The following L3MBTL2 variants were observed in gnomAD, a reference collection of about 807,000 sequenced individuals.
The protein encoded by L3MBTL2 is lethal(3)malignant brain tumor-like protein 2.
Under a neutral mutation model 86.4 loss-of-function variants are expected in L3MBTL2, and 49 were observed. The observed-to-expected ratio is 0.57, with a 90% CI of 0.45 to 0.72. The LOEUF (loss-of-function observed/expected upper bound fraction) is 0.72, where lower values mean the gene tolerates loss of function less well. L3MBTL2 is among the 30% of genes least tolerant of loss of function. The pLI, the probability that L3MBTL2 is intolerant of heterozygous loss-of-function variation, is 0.00. For synonymous variants in L3MBTL2, 336 were observed against 350.6 expected (o/e 0.96, Z 0.47); for missense variants, 755 against 923.7 (o/e 0.82, Z 2.37).
intron 8 of L3MBTL2, among the ~76,000 whole-genome samples, chr22:41,223,172 C>T (rs1457510762): frequency 2.0e-5 from 3 of 152,194 alleles, no homozygotes; most frequent in Non-Finnish European, 4.4e-5. Flanking sequence ...ACCCCTGTGT[C>T]AGCTTTGCCT....
At chr22:41,213,817 G>A in intron 2 of L3MBTL2, 76 bp from the exon 3 acceptor site, 1 of 1,558,756 alleles carries the variant, frequency 6.4e-7, no homozygotes, top group South Asian at 1.1e-5. Context: ...AGTGCCCCAG[G>A]TTTTGAAGGG....
intron 1 of L3MBTL2, among the ~76,000 whole-genome samples, chr22:41,207,236 CTTT>C (rs753351369): frequency 1.1e-4 from 13 of 120,504 alleles, no homozygotes; most frequent in Non-Finnish European, 1.7e-4. Context: ...CCCCCAAATC[CTTT>C]TTTTTTTTTT....
Position 41,225,132 on chromosome 22 carries a change from A to G in L3MBTL2, c.1356+61A>G, listed in dbSNP as rs551286327. The G allele has an allele frequency of 1.4e-6, 2 of 1,402,592 alleles. No individual in the cohort carries two copies. Among genetic ancestry groups the G allele is most frequent in the Admixed American group, 3.7e-5 (2 of 54,172 alleles). The allele number at this position is 1,402,592 out of a possible 1,614,324, so 86.9% of individuals were successfully genotyped here. ...CTGAGCGGGGGGACCCATGTGGCCC[A>G]GAGCTCTAACCCCACTCGCCACCGT... On this transcript the variant is annotated intron_variant, in intron 11 of 16. Transcript: ENST00000216237. The surrounding 1 kb of genome is among the most constrained non-coding windows in gnomAD (Gnocchi z 4.1).
At chr22:41,229,511 G>T in intron 15 of L3MBTL2, 29 bp from the exon 16 acceptor site, 1 of 1,599,946 alleles carries the variant, frequency 6.3e-7, no homozygotes, top group African/African-American at 1.3e-5. Flanking sequence ...CAACCCTAAT[G>T]CTGGGTTTGA....
Position 41,221,185 on chromosome 22 carries a change from T to C in L3MBTL2, c.854-14T>C, listed in dbSNP as rs1168282175. 6.5e-7 allele frequency: 1 copy of C among 1,540,678 alleles called. No homozygotes were observed. Among genetic ancestry groups the C allele is most frequent in the South Asian group, 1.2e-5 (1 of 83,642 alleles). ...TCAGTCTGTGTAACCAGGATTCTGC[T>C]GGTGCCTCCACAGCCATCCATGCCA... is the stretch of plus-strand genomic sequence containing the variant. On this transcript the variant is annotated splice_polypyrimidine_tract_variant and intron_variant, in intron 7 of 16. Coordinates refer to ENST00000216237, the MANE Select transcript of L3MBTL2 (RefSeq NM_031488.5).
Position 41,229,565 on chromosome 22 carries a change from G to A in L3MBTL2, c.1914G>A (p.Thr638=), listed in dbSNP as rs758397956. The A allele has an allele frequency of 6.8e-6, 11 of 1,612,692 alleles. No homozygotes were observed. The highest frequency in any genetic ancestry group is 1.1e-5 in the South Asian group (1 of 91,062). ...KKRKRIPPTK[T]RPLRQGSKKP... Reference sequence around the variant, plus strand: ...GGAAAAGAATCCCGCCCACTAAGACGCGACCCCTCAGACAGGGGTCCAAGA... The same window carrying A: ...GGAAAAGAATCCCGCCCACTAAGACACGACCCCTCAGACAGGGGTCCAAGA... The change falls in exon 16 of 17, where the codon ACG becomes ACA. Residue 638 remains threonine (T), a synonymous_variant. Coordinates refer to ENST00000216237, the MANE Select transcript of L3MBTL2 (RefSeq NM_031488.5).
intron 2 of L3MBTL2, among the ~76,000 whole-genome samples, chr22:41,212,014 C>T (rs1410196172): frequency 6.6e-6 from 1 of 151,322 alleles, no homozygotes; most frequent in Non-Finnish European, 1.5e-5. Context: ...CAGGCGCCCT[C>T]CGCCATGCCC....
At chr22:41,219,388 A>G (rs1004390111) in intron 5 of L3MBTL2, 31 bp from the exon 6 acceptor site, 12 of 1,523,658 alleles carry the variant, frequency 7.9e-6, no homozygotes, top group East Asian at 4.5e-5. Flanking sequence ...CAGTTAGCTC[A>G]CTCTCTCGGT....
intron 2 of L3MBTL2, 29 bp from the exon 3 acceptor site, chr22:41,213,864 G>T (rs1426920377): frequency 1.2e-6 from 2 of 1,613,130 alleles, no homozygotes; most frequent in East Asian, 2.2e-5. Context: ...GTCATATCGG[G>T]TGAGTCATGT....
chr22:41,221,359 C>G (rs745732141), intron 8 of L3MBTL2, 72 bp downstream of exon 8: 19 of 1,274,474 alleles, frequency 1.5e-5, no homozygotes, highest in Middle Eastern at 1.8e-4. Context: ...ATGCCACTCA[C>G]TGGAGCATGT....
At position 41,230,556 on chromosome 22, in the gene L3MBTL2, G is replaced by A. The variant is rs890638305; in HGVS notation, c.*305G>A. ...ACGCTAGCTGCCTGCTCTTCCTTAAGATGGCCTCCCCCCGACCCGCCACGG... is the reference window on the plus strand; with the variant it reads ...ACGCTAGCTGCCTGCTCTTCCTTAAAATGGCCTCCCCCCGACCCGCCACGG... On this transcript the variant is annotated 3_prime_UTR_variant, in exon 17 of 17. Coordinates refer to ENST00000216237, the MANE Select transcript of L3MBTL2 (RefSeq NM_031488.5). 2 of 397,640 alleles carry A rather than the reference G, an allele frequency of 5.0e-6. No individual in the cohort carries two copies. The highest frequency in any genetic ancestry group is 2.1e-5 in the African/African-American group (1 of 48,332). 24.6% of individuals were successfully genotyped at this position (397,640 alleles called of 1,614,324 possible).
At chr22:41,215,590 C>T (rs1473337424) in intron 3 of L3MBTL2, among the ~76,000 whole-genome samples, 1 of 152,064 alleles carries the variant, frequency 6.6e-6, no homozygotes, top group African/African-American at 2.4e-5. Flanking sequence ...AAAGGGAGGA[C>T]CCCCTTTGAG....
At chr22:41,220,659 GAA>G (rs397867987) in intron 6 of L3MBTL2, 73 bp from the exon 7 acceptor site, 6,150 of 1,268,238 alleles carry the variant, frequency 4.8e-3, no homozygotes, top group South Asian at 7.0e-3. Context: ...CTTCGTCTCA[GAA>G]AAAAAAAAAA....
chr22:41,229,069 G>T (rs984585054), intron 15 of L3MBTL2, among the ~76,000 whole-genome samples: 16 of 152,036 alleles, frequency 1.1e-4, no homozygotes, highest in Non-Finnish European at 1.8e-4. Context: ...ACCAGCCTGG[G>T]CAACATAGCG....
intron 3 of L3MBTL2, 95 bp downstream of exon 3, chr22:41,214,121 G>A: frequency 7.5e-7 from 1 of 1,328,232 alleles, no homozygotes; most frequent in Non-Finnish European, 1.1e-6. Context: ...AGTTTGAAAA[G>A]GTCCTTGCTT....
At position 41,229,847 on chromosome 22, in the gene L3MBTL2, TC is replaced by T. The variant is rs2032461897; in HGVS notation, c.2005+196del. The T allele has an allele frequency of 3.1e-6, 3 of 968,622 alleles. No homozygotes were observed. In the Admixed American group the frequency reaches 6.0e-5, roughly 19 times the overall value. 60.0% of individuals were successfully genotyped at this position (968,622 alleles called of 1,614,324 possible). Reference sequence around the variant, plus strand: ...GCCCCCAACTGTGAATGGAGCTGAGTCCCCCTCTAGCCCGGCCCCGGCCCCT... The same window carrying T: ...GCCCCCAACTGTGAATGGAGCTGAGTCCCCTCTAGCCCGGCCCCGGCCCCT... On this transcript the variant is annotated intron_variant, in intron 16 of 16. Transcript: ENST00000216237.
intron 3 of L3MBTL2, among the ~76,000 whole-genome samples, chr22:41,215,419 G>A (rs2031264034): frequency 2.6e-5 from 4 of 152,148 alleles, no homozygotes; most frequent in African/African-American, 7.2e-5. Context: ...CTTACTTAAA[G>A]GTATACAACT....
At chr22:41,223,163 C>CAG (rs1224930998) in intron 8 of L3MBTL2, among the ~76,000 whole-genome samples, 19 of 152,196 alleles carry the variant, frequency 1.2e-4, no homozygotes. Flanking sequence ...TGGTTTAGGA[C>CAG]CCCTGTGTCA....
chr22:41,226,300 G>A (rs1443837085), intron 12 of L3MBTL2, among the ~76,000 whole-genome samples: 2 of 152,156 alleles, frequency 1.3e-5, no homozygotes, highest in African/African-American at 2.4e-5. Flanking sequence ...AAGGGGCAGG[G>A]TGTGGCCACA....
Sources: allele counts gnomAD v4.1 joint callset (sites outside exome capture counted in the v4.1 genomes callset), GRCh38; gene constraint gnomAD v4.1.1; non-coding constraint Gnocchi (gnomAD v3.1); transcripts MANE v1.5; gene names NCBI Gene and HGNC (gene_info 2026-07-23, HGNC 2026-07-21).